CCDC102B: variants seen among roughly 807,000 people sequenced by gnomAD.
The protein encoded by CCDC102B is coiled-coil domain-containing protein 102B.
Under a neutral mutation model 57.4 loss-of-function variants are expected in CCDC102B, and 75 were observed. The ratio of observed to expected loss-of-function variants is 1.31; its 90% CI spans 1.08 to 1.58. The LOEUF is 1.58. Ranked by LOEUF, CCDC102B falls within the 40% of genes most tolerant of loss-of-function variation. CCDC102B has a pLI of 0.00. For synonymous variants in CCDC102B, 206 were observed against 201.9 expected (o/e 1.02, Z -0.17); for missense variants, 636 against 582.6 (o/e 1.09, Z -0.94).
At chr18:68,985,563 A>G (rs3885043) in intron 6 of CCDC102B, among the ~76,000 whole-genome samples, 13,319 of 152,206 alleles carry the variant, frequency 0.088, 1,062 homozygotes, top group East Asian at 0.22. Flanking sequence ...GAGAAACTAC[A>G]GTGTGAACCA....
intron 2 of CCDC102B, among the ~76,000 whole-genome samples, chr18:68,752,748 G>A (rs1286504735): frequency 6.6e-6 from 1 of 152,004 alleles, no homozygotes; most frequent in Non-Finnish European, 1.5e-5. Flanking sequence ...CATCCCTTGG[G>A]TTGTTTTGAA....
chr18:68,723,626 A>G (rs2032459243), intron 2 of CCDC102B, among the ~76,000 whole-genome samples: 1 of 152,182 alleles, frequency 6.6e-6, no homozygotes, highest in East Asian at 1.9e-4. Context: ...AAGTTCCAAA[A>G]TGATCTCCTT....
intron 1 of CCDC102B, among the ~76,000 whole-genome samples, chr18:68,827,781 A>G (rs1365615153): frequency 2.6e-5 from 4 of 152,002 alleles, no homozygotes; most frequent in Non-Finnish European, 1.5e-5. Flanking sequence ...GGAACTTAAC[A>G]AGAAACTCAC....
intron 1 of CCDC102B, among the ~76,000 whole-genome samples, chr18:68,800,671 C>T (rs549837069): frequency 1.4e-5 from 2 of 143,262 alleles, no homozygotes; most frequent in African/African-American, 6.0e-5. Context: ...TGACTTTCCT[C>T]TGTTTCTTTT....
Position 68,765,382 on chromosome 18 carries a change from GAAA to G in CCDC102B, c.-67+48789_-67+48791del, listed in dbSNP as rs1568239081. Among the ~76,000 whole-genome samples, 211 of 125,214 alleles carry G rather than the reference GAAA, an allele frequency of 1.7e-3. 1 individual carries two copies. The highest frequency in any genetic ancestry group is 6.4e-3 in the African/African-American group (200 of 31,096). The allele number at this position is 125,214 out of a possible 152,430, so 82.1% of individuals were successfully genotyped here. The stretch of plus-strand genomic sequence containing the variant: ...GAAAGAAAGAAAGAAAGAAAGAAAA[GAAA>G]GAAAGAAAAGAAAGGAAGGAAGGAA... On this transcript the variant is annotated intron_variant, in intron 2 of 3. Coordinates refer to the CCDC102B transcript ENST00000578970.
intron 5 of CCDC102B, among the ~76,000 whole-genome samples, chr18:68,881,184 A>G (rs2039681834): frequency 9.2e-5 from 14 of 152,244 alleles, no homozygotes; most frequent in Admixed American, 9.2e-4. Flanking sequence ...AAACAGGCCA[A>G]GAAGCTTTCC....
intron 6 of CCDC102B, among the ~76,000 whole-genome samples, chr18:68,973,488 A>G (rs910032601): frequency 6.6e-6 from 1 of 152,150 alleles, no homozygotes; most frequent in Non-Finnish European, 1.5e-5. Flanking sequence ...TAAGAAATGA[A>G]TAATAAATAC....
chr18:69,050,149 C>T (rs1430627392), intron 7 of CCDC102B, among the ~76,000 whole-genome samples: 1 of 150,796 alleles, frequency 6.6e-6, no homozygotes, highest in Non-Finnish European at 1.5e-5. Context: ...GTCTATGAGC[C>T]AAGTGTTGAA....
At chr18:68,974,781 G>C (rs138410185) in intron 6 of CCDC102B, among the ~76,000 whole-genome samples, 1 of 151,756 alleles carries the variant, frequency 6.6e-6, no homozygotes, top group African/African-American at 2.4e-5. Context: ...TAATAAAAAA[G>C]TGAAGAGGTA....
chr18:68,967,980 C>T (rs1381803099), intron 6 of CCDC102B, among the ~76,000 whole-genome samples: 1 of 151,912 alleles, frequency 6.6e-6, no homozygotes, highest in Non-Finnish European at 1.5e-5. Context: ...TTATTATTTC[C>T]TACAAAAATG....
intron 7 of CCDC102B, among the ~76,000 whole-genome samples, chr18:69,050,251 G>A (rs972279709): frequency 6.6e-6 from 1 of 152,108 alleles, no homozygotes; most frequent in Non-Finnish European, 1.5e-5. Flanking sequence ...ATAGCACTTC[G>A]ATAAGATGAG....
chr18:68,723,510 C>T lies in CCDC102B; in HGVS notation c.-67+6916C>T, dbSNP rs8088942. Among the ~76,000 whole-genome samples, 540 of 152,254 alleles carry T rather than the reference C, an allele frequency of 3.5e-3. 2 individuals carry two copies. Among genetic ancestry groups the T allele is most frequent in the African/African-American group, 0.012 (512 of 41,526 alleles). Reference sequence around the variant, plus strand: ...AGTTACTTCCTACATACAATGAGGGCGCAAGGATTGGATAAATACAACCAT... The same window carrying T: ...AGTTACTTCCTACATACAATGAGGGTGCAAGGATTGGATAAATACAACCAT... On this transcript the variant is annotated intron_variant, in intron 2 of 3. Transcript: ENST00000578970.
At chr18:68,979,222 G>A (rs1432177001) in intron 6 of CCDC102B, among the ~76,000 whole-genome samples, 3 of 152,026 alleles carry the variant, frequency 2.0e-5, no homozygotes, top group South Asian at 2.1e-4. Flanking sequence ...TAGAAGTTTA[G>A]AATATGTTCA....
At chr18:68,751,361 C>G (rs1364576055) in intron 2 of CCDC102B, among the ~76,000 whole-genome samples, 1 of 152,048 alleles carries the variant, frequency 6.6e-6, no homozygotes, top group East Asian at 1.9e-4. Context: ...TAACTCATGC[C>G]TGAATGAAGC....
At chr18:69,032,468 C>G (rs1185958203) in intron 7 of CCDC102B, among the ~76,000 whole-genome samples, 1 of 152,136 alleles carries the variant, frequency 6.6e-6, no homozygotes, top group African/African-American at 2.4e-5. Flanking sequence ...TACTTAGGTT[C>G]ATGCAACCCC....
chr18:68,961,045 T>C (rs1273241176), intron 6 of CCDC102B, among the ~76,000 whole-genome samples: 1 of 152,198 alleles, frequency 6.6e-6, no homozygotes. Flanking sequence ...AATTAACTCC[T>C]TCTTCCATGT....
chr18:68,943,987 T>C (rs2049461485), intron 6 of CCDC102B, among the ~76,000 whole-genome samples: 2 of 152,164 alleles, frequency 1.3e-5, no homozygotes, highest in African/African-American at 4.8e-5. Flanking sequence ...GAGTTAGATA[T>C]AGATGCTATG....
At chr18:69,005,343 G>A (rs1297652947) in intron 6 of CCDC102B, among the ~76,000 whole-genome samples, 1 of 151,808 alleles carries the variant, frequency 6.6e-6, no homozygotes, top group Non-Finnish European at 1.5e-5. Context: ...TATGTTATAT[G>A]GTAAATCGTA....
intron 2 of CCDC102B, among the ~76,000 whole-genome samples, chr18:68,731,727 A>T (rs1341386604): frequency 6.7e-6 from 1 of 149,776 alleles, no homozygotes; most frequent in Non-Finnish European, 1.5e-5. Flanking sequence ...ATGTTATATG[A>T]TCTCCTATAC....
Sources: allele counts gnomAD v4.1 joint callset (sites outside exome capture counted in the v4.1 genomes callset), GRCh38; gene constraint gnomAD v4.1.1; transcripts MANE v1.5; gene names NCBI Gene and HGNC (gene_info 2026-07-23, HGNC 2026-07-21).